Variants in TRDN observed in about 807,000 individuals in gnomAD.
TRDN encodes triadin in skeletal muscle.
A neutral mutation model predicts 149.7 loss-of-function variants in TRDN; 161 were observed. The ratio of observed to expected loss-of-function variants is 1.08; its 90% CI spans 0.95 to 1.23. The LOEUF is 1.23. TRDN is among the 50% of genes most tolerant of loss of function. TRDN has a pLI of 0.00. For synonymous variants in TRDN, 294 were observed against 250.5 expected (o/e 1.17, Z -1.64); for missense variants, 896 against 823.5 (o/e 1.09, Z -1.08).
At chr6:123,230,041 AG>A (rs1775539200) in intron 38 of TRDN, among the ~76,000 whole-genome samples, 1 of 151,954 alleles carries the variant, frequency 6.6e-6, no homozygotes, top group Non-Finnish European at 1.5e-5. Flanking sequence ...ATCTATCAAT[AG>A]TTACCATAAT....
chr6:123,255,807 A>C (rs1447486455), intron 36 of TRDN, 60 bp downstream of exon 36: 3 of 1,166,210 alleles, frequency 2.6e-6, no homozygotes, highest in African/African-American at 3.3e-5. Flanking sequence ...ATACATTTTG[A>C]CTTAAAATAT....
chr6:123,237,566 A>G (rs1026649789), intron 38 of TRDN, among the ~76,000 whole-genome samples: 12 of 151,788 alleles, frequency 7.9e-5, no homozygotes, highest in African/African-American at 2.7e-4. Flanking sequence ...ACCTTTTGAA[A>G]CTCACTTACT....
chr6:123,616,844 A>G (rs1562429419), intron 1 of TRDN, among the ~76,000 whole-genome samples: 1 of 150,598 alleles, frequency 6.6e-6, no homozygotes, highest in African/African-American at 2.4e-5. Flanking sequence ...TCTGATCCCC[A>G]TTTTTTTTTC....
chr6:123,405,566 T>C (rs1431141793), intron 12 of TRDN, among the ~76,000 whole-genome samples: 1 of 152,294 alleles, frequency 6.6e-6, no homozygotes, highest in South Asian at 2.1e-4. Flanking sequence ...ACAAGAAATC[T>C]CAGAGGCAAA....
chr6:123,392,496 G>T (rs1319000358), intron 13 of TRDN, among the ~76,000 whole-genome samples: 1 of 151,968 alleles, frequency 6.6e-6, no homozygotes, highest in Non-Finnish European at 1.5e-5. Flanking sequence ...TAAACTGGTA[G>T]TCATTGGCTT....
At chr6:123,226,024 T>A (rs1031605321) in intron 38 of TRDN, among the ~76,000 whole-genome samples, 1 of 151,788 alleles carries the variant, frequency 6.6e-6, no homozygotes, top group Admixed American at 6.6e-5. Context: ...AGGAAAGCAA[T>A]GTGACCTTTA....
chr6:123,512,853 A>T (rs180948208), intron 6 of TRDN, among the ~76,000 whole-genome samples: 30 of 152,276 alleles, frequency 2.0e-4, no homozygotes, highest in African/African-American at 6.3e-4. Flanking sequence ...TTGGGCAGTT[A>T]ACAAAGTGTA....
At position 123,485,013 on chromosome 6, in the gene TRDN, T is replaced by C. The variant is rs1273584986; in HGVS notation, c.853+12180A>G. On this transcript the variant is annotated intron_variant, in intron 9 of 40. Coordinates refer to ENST00000334268, the MANE Select transcript of TRDN (RefSeq NM_006073.4). ...CTGTGTGTATTCCAGTTACTTACAG[T>C]GACTAGAATGTTTAATGGATTGATT... Among the ~76,000 whole-genome samples, 4 of 152,162 alleles carry C rather than the reference T, an allele frequency of 2.6e-5. No individual in the cohort carries two copies. The East Asian group carries it at 7.7e-4, about 29-fold the overall frequency.
At chr6:123,243,881 A>G (rs966245974) in intron 38 of TRDN, among the ~76,000 whole-genome samples, 2 of 152,186 alleles carry the variant, frequency 1.3e-5, no homozygotes, top group African/African-American at 4.8e-5. Flanking sequence ...GGGTTAGAAA[A>G]TCTATTTAAC....
At chr6:123,511,689 A>G (rs1329603944) in intron 7 of TRDN, among the ~76,000 whole-genome samples, 1 of 152,152 alleles carries the variant, frequency 6.6e-6, no homozygotes, top group Non-Finnish European at 1.5e-5. Flanking sequence ...TTGGCTCAGC[A>G]TGGCTCTACT....
intron 29 of TRDN, among the ~76,000 whole-genome samples, chr6:123,272,168 T>C (rs1777226088): frequency 1.3e-5 from 2 of 152,146 alleles, no homozygotes; most frequent in South Asian, 4.1e-4. Flanking sequence ...ACAGATTTTC[T>C]GAAGTACAAT....
At chr6:123,271,459 C>T (rs1475257607) in intron 29 of TRDN, among the ~76,000 whole-genome samples, 1 of 151,854 alleles carries the variant, frequency 6.6e-6, no homozygotes, top group African/African-American at 2.4e-5. Flanking sequence ...TTTTTGCCTT[C>T]ACTGTATTTC....
rs757355311 is a variant in TRDN, at chr6:123,279,056, G to T, written c.1537C>A (p.Gln513Lys). The change falls in exon 25 of 41, where the codon CAA (glutamine) becomes AAA (lysine). Residue 513 changes from glutamine to lysine, a missense_variant and splice_region_variant. By Grantham distance (53) the Gln-to-Lys change is moderately conservative (BLOSUM62 1). Transcript: ENST00000334268. Reference protein sequence around the residue: ...AGKEVKPKPPQLQGKKEEKPE... With the variant: ...AGKEVKPKPPKLQGKKEEKPE... ...TTTATTGAGCATGCATATAACATACGTGGAGGTTTAGGCTTGACTTCTTTG... is the reference window on the plus strand; with the variant it reads ...TTTATTGAGCATGCATATAACATACTTGGAGGTTTAGGCTTGACTTCTTTG... The T allele has an allele frequency of 4.4e-6, 7 of 1,608,690 alleles. No homozygotes were observed. In the Admixed American group the frequency reaches 1.0e-4, roughly 23 times the overall value.
At chr6:123,227,624 T>A (rs1383324400) in intron 38 of TRDN, among the ~76,000 whole-genome samples, 3 of 152,016 alleles carry the variant, frequency 2.0e-5, no homozygotes, top group Non-Finnish European at 4.4e-5. Context: ...AAATAGTTAA[T>A]ATTTCTTAAG....
rs556817260 is a variant in TRDN at position 123,442,852 on chromosome 6, G to A, written c.932-3849C>T. On this transcript the variant is annotated intron_variant, in intron 10 of 40. Transcript: ENST00000334268. ...ACTAAAGGGAAAAAAATACCCATAAGCAAGACAGAAACATGTTATGAAGGG... is the reference window on the plus strand; with the variant it reads ...ACTAAAGGGAAAAAAATACCCATAAACAAGACAGAAACATGTTATGAAGGG... Among the ~76,000 whole-genome samples the A allele has an allele frequency of 5.3e-5, 8 of 152,164 alleles. No individual in the cohort carries two copies. The South Asian group carries it at 1.5e-3, about 28-fold the overall frequency.
intron 2 of TRDN, among the ~76,000 whole-genome samples, chr6:123,569,662 A>T (rs1410447216): frequency 6.6e-6 from 1 of 152,140 alleles, no homozygotes. Flanking sequence ...CAATAATGGT[A>T]GAAGGAGGAG....
At chr6:123,234,285 C>A (rs1775709318) in intron 38 of TRDN, among the ~76,000 whole-genome samples, 1 of 152,030 alleles carries the variant, frequency 6.6e-6, no homozygotes, top group Non-Finnish European at 1.5e-5. Context: ...TTTATAAAAA[C>A]AATCACTTTC....
chr6:123,238,530 A>G (rs1203044384), intron 38 of TRDN, among the ~76,000 whole-genome samples: 1 of 152,192 alleles, frequency 6.6e-6, no homozygotes, highest in East Asian at 1.9e-4. Flanking sequence ...AAGAAAGATG[A>G]TGAAGAAGCA....
chr6:123,230,362 G>A (rs1775553549), intron 38 of TRDN, among the ~76,000 whole-genome samples: 1 of 151,820 alleles, frequency 6.6e-6, no homozygotes. Context: ...ATAGGAAGGG[G>A]AACATCACAC....
Sources: gnomAD v4.1 joint callset for allele counts (sites outside exome capture counted in the v4.1 genomes callset) on GRCh38, gnomAD v4.1.1 for gene constraint, MANE v1.5 for transcripts, NCBI Gene and HGNC (gene_info 2026-07-23, HGNC 2026-07-21) for gene names.